The following USH2A variants were observed in gnomAD, a reference collection of about 807,000 sequenced individuals.
USH2A encodes usherin.
In USH2A, 443 loss-of-function variants were observed where a neutral mutation model predicts 538.9. That is an observed-to-expected ratio of 0.82 (90% CI 0.76 to 0.89). USH2A has a LOEUF of 0.89. USH2A is among the 40% of genes least tolerant of loss of function. USH2A has a pLI of 0.00. For missense variants in USH2A, 6,633 were observed against 6,324.8 expected, an observed-to-expected ratio of 1.05 and a Z score of -1.65; for synonymous variants, 2,413 against 2,273.5, an observed-to-expected ratio of 1.06 and a Z score of -1.75.
chr1:215,852,110 T>C (rs1017625973), intron 44 of USH2A, among the ~76,000 whole-genome samples: 1 of 152,174 alleles, frequency 6.6e-6, no homozygotes, highest in Non-Finnish European at 1.5e-5. Flanking sequence ...AAAGCTGTAT[T>C]AGTCTGTTCT....
intron 20 of USH2A, among the ~76,000 whole-genome samples, chr1:216,178,371 T>C (rs1389256781): frequency 6.6e-6 from 1 of 152,182 alleles, no homozygotes; most frequent in Non-Finnish European, 1.5e-5. Context: ...CTACAAGTTA[T>C]GATCTCACTT....
At chr1:216,419,105 C>T (rs1318894812) in intron 2 of USH2A, among the ~76,000 whole-genome samples, 1 of 151,926 alleles carries the variant, frequency 6.6e-6, no homozygotes, top group Non-Finnish European at 1.5e-5. Flanking sequence ...AATTTAGTGT[C>T]CATGGAAGGC....
chr1:216,022,079 C>T (rs1001034849), intron 32 of USH2A, among the ~76,000 whole-genome samples: 9 of 152,258 alleles, frequency 5.9e-5, no homozygotes, highest in South Asian at 2.1e-4. Context: ...ATCTGCTCCC[C>T]TTCACCTTCC....
chr1:216,209,507 T>C (rs1433970591), intron 15 of USH2A, among the ~76,000 whole-genome samples: 4 of 152,194 alleles, frequency 2.6e-5, no homozygotes, highest in Non-Finnish European at 5.9e-5. Flanking sequence ...CCAGAGCTAT[T>C]GCTAATTCAC....
At chr1:215,966,211 G>T (rs1022509618) in intron 36 of USH2A, among the ~76,000 whole-genome samples, 1 of 152,198 alleles carries the variant, frequency 6.6e-6, no homozygotes, top group Admixed American at 6.5e-5. Flanking sequence ...TAGCTGTACC[G>T]GGGTCAGGAA....
chr1:216,388,138 T>C (rs2039036339), intron 3 of USH2A, among the ~76,000 whole-genome samples: 1 of 152,188 alleles, frequency 6.6e-6, no homozygotes, highest in Non-Finnish European at 1.5e-5. Context: ...ACATTTCACT[T>C]CACGAGTTTA....
Position 215,647,602 on chromosome 1 carries a change from G to A in USH2A, c.14711C>T (p.Thr4904Ile). 6.2e-7 allele frequency: 1 copy of A among 1,614,154 alleles called. No individual in the cohort carries two copies. The highest frequency in any genetic ancestry group is 1.3e-5 in the African/African-American group (1 of 75,028). Residue 4904 changes from threonine (T) to isoleucine (I), a missense_variant, in exon 67 of 72, where the codon ACA becomes ATA. Physicochemically the swap from Thr to Ile is moderately conservative, Grantham distance 89. Coordinates refer to ENST00000307340, the MANE Select transcript of USH2A (RefSeq NM_206933.4). ...GTGTGCCACCACTCTCAGCTTGTAT[G>A]TGGTGTAGGGCTGGAGACCCCCAAG... The part of the protein sequence containing the change: ...ASLGGLQPYT[T>I]YKLRVVAHNE...
chr1:216,367,569 A>T (rs897445139), intron 3 of USH2A, among the ~76,000 whole-genome samples: 1 of 152,168 alleles, frequency 6.6e-6, no homozygotes, highest in Non-Finnish European at 1.5e-5. Flanking sequence ...TGCTTAGTAG[A>T]AGAATTCAGT....
At chr1:215,898,648 T>C (rs1665410012) in intron 40 of USH2A, among the ~76,000 whole-genome samples, 1 of 152,162 alleles carries the variant, frequency 6.6e-6, no homozygotes, top group African/African-American at 2.4e-5. Flanking sequence ...CTGCAGTGGG[T>C]TGAATAATTA....
chr1:216,204,489 G>A (rs1026985646), intron 16 of USH2A: 2 of 152,024 alleles, frequency 1.3e-5, no homozygotes, highest in East Asian at 1.9e-4. Flanking sequence ...ATCCTAAGAA[G>A]GAAAATATGT....
intron 37 of USH2A, 140 bp downstream of exon 37, chr1:215,965,177 A>G: frequency 1.1e-6 from 1 of 951,812 alleles, no homozygotes; most frequent in Non-Finnish European, 1.5e-6. Flanking sequence ...GCAGTAGCTT[A>G]TCCGTATAGG....
chr1:216,363,529 G>A (rs1035953537), intron 4 of USH2A, among the ~76,000 whole-genome samples: 10 of 151,976 alleles, frequency 6.6e-5, no homozygotes, highest in East Asian at 1.9e-4. Context: ...ACATATGTAC[G>A]TATGTATACA....
rs1301212695 is a variant in USH2A at position 216,064,388 on chromosome 1, T to G, written c.6049+5713A>C. Among the ~76,000 whole-genome samples, 35 of 151,822 alleles carry G rather than the reference T, an allele frequency of 2.3e-4. 1 individual carries two copies. The highest frequency in any genetic ancestry group is 2.2e-3 in the Admixed American group (34 of 15,238). Reference sequence around the variant, plus strand: ...GGTCACGTAGACAACTCAATTCATGTAAGGGGAAAACCTTTGGGATGTGAG... The same window carrying G: ...GGTCACGTAGACAACTCAATTCATGGAAGGGGAAAACCTTTGGGATGTGAG... On this transcript the variant is annotated intron_variant, in intron 30 of 71. Coordinates refer to ENST00000307340, the MANE Select transcript of USH2A (RefSeq NM_206933.4).
At chr1:216,387,394 T>C (rs1331448197) in intron 3 of USH2A, among the ~76,000 whole-genome samples, 5 of 152,368 alleles carry the variant, frequency 3.3e-5, no homozygotes, top group Admixed American at 6.5e-5. Flanking sequence ...TACTGTGATA[T>C]AGCTGATCTG....
chr1:215,644,910 A>T lies in USH2A; in HGVS notation c.14791+2612T>A, dbSNP rs1295462670. 3.3e-5 allele frequency among the ~76,000 whole-genome samples: 5 copies of T among 152,310 alleles called. No homozygotes were observed. In the East Asian group the frequency reaches 9.7e-4, roughly 29 times the overall value. Reference sequence around the variant, plus strand: ...GCTTTAACATTAGAAGGGTAGAAGGAACTTTGAATCAAAGTGAGATACACA... The same window carrying T: ...GCTTTAACATTAGAAGGGTAGAAGGTACTTTGAATCAAAGTGAGATACACA... On this transcript the variant is annotated intron_variant, in intron 67 of 71. Transcript: ENST00000307340.
intron 9 of USH2A, among the ~76,000 whole-genome samples, chr1:216,297,665 A>G (rs996761786): frequency 1.3e-5 from 2 of 152,154 alleles, no homozygotes; most frequent in Admixed American, 1.3e-4. Context: ...TTAAAAGGTG[A>G]TTCTGTGATT....
At chr1:215,721,137 C>G (rs12724962) in intron 61 of USH2A, among the ~76,000 whole-genome samples, 28,688 of 151,982 alleles carry the variant, frequency 0.19, 2,970 homozygotes, top group Non-Finnish European at 0.23. Flanking sequence ...TGCAATGGTG[C>G]AATCTCGGCT....
intron 9 of USH2A, among the ~76,000 whole-genome samples, chr1:216,314,588 A>G (rs1462512932): frequency 6.6e-6 from 1 of 152,126 alleles, no homozygotes; most frequent in Non-Finnish European, 1.5e-5. Context: ...GCTCTAAAGG[A>G]ATCTTTCAAA....
intron 61 of USH2A, among the ~76,000 whole-genome samples, chr1:215,696,952 T>TG: frequency 6.6e-6 from 1 of 152,056 alleles, no homozygotes; most frequent in African/African-American, 2.4e-5. Flanking sequence ...CCTCTTTTTT[T>TG]TTTGTTTGTT....
Sources: gnomAD v4.1 joint callset for allele counts (sites outside exome capture counted in the v4.1 genomes callset) on GRCh38, gnomAD v4.1.1 for gene constraint, MANE v1.5 for transcripts, NCBI Gene and HGNC (gene_info 2026-07-23, HGNC 2026-07-21) for gene names.